Variants in NEBL observed in about 807,000 individuals in gnomAD.
NEBL encodes nebulette, also known as LIM and SH3 protein 2.
NEBL carries 122 observed loss-of-function variants against 140.2 expected under a neutral mutation model. The observed-to-expected ratio is 0.87, with a 90% CI of 0.75 to 1.01. NEBL has a LOEUF of 1.01. Ranked by LOEUF, NEBL falls within the 50% of genes least tolerant of loss-of-function variation. The probability of loss-of-function intolerance (pLI) is 0.00; values close to 1 mark genes in which losing one functional copy is unlikely to be tolerated. For synonymous variants in NEBL, 436 were observed against 398.9 expected (o/e 1.09, Z -1.11); for missense variants, 1,365 against 1,231.3 (o/e 1.11, Z -1.62).
intron 11 of NEBL, among the ~76,000 whole-genome samples, chr10:20,845,876 G>T (rs1052327987): frequency 6.6e-6 from 1 of 152,112 alleles, no homozygotes. Context: ...GGTTAGGGAG[G>T]GGGTTTCCCT....
At chr10:21,070,506 T>A (rs184422278) in intron 2 of NEBL, among the ~76,000 whole-genome samples, 1 of 152,314 alleles carries the variant, frequency 6.6e-6, no homozygotes, top group African/African-American at 2.4e-5. Context: ...TAAATCATGC[T>A]GTTTTAAAGA....
chr10:20,937,442 T>C (rs1440051175), intron 4 of NEBL, among the ~76,000 whole-genome samples: 2 of 152,006 alleles, frequency 1.3e-5, no homozygotes, highest in Admixed American at 6.6e-5. Flanking sequence ...ACTTCAAAAG[T>C]TGAAAGAGCC....
chr10:20,907,149 A>C (rs1427831962), intron 4 of NEBL, among the ~76,000 whole-genome samples: 1 of 152,148 alleles, frequency 6.6e-6, no homozygotes. Context: ...TAAGCATGGA[A>C]AAAACCTTTA....
intron 3 of NEBL, among the ~76,000 whole-genome samples, chr10:20,986,208 A>G (rs16921350): frequency 0.026 from 3,950 of 152,310 alleles, 162 homozygotes; most frequent in African/African-American, 0.088. Context: ...ACCAGGAAAT[A>G]TCATACCATA....
At chr10:21,186,588 C>T (rs1236430181) in intron 3 of NEBL, among the ~76,000 whole-genome samples, 1 of 152,116 alleles carries the variant, frequency 6.6e-6, no homozygotes, top group African/African-American at 2.4e-5. Context: ...TCACATGCAG[C>T]CCAAGATGGC....
chr10:21,010,780 C>T (rs551679471), intron 3 of NEBL, among the ~76,000 whole-genome samples: 1 of 152,174 alleles, frequency 6.6e-6, no homozygotes, highest in Non-Finnish European at 1.5e-5. Context: ...TACTGAAGCT[C>T]GACAACTGAG....
chr10:20,973,401 C>T (rs986402707), intron 3 of NEBL, among the ~76,000 whole-genome samples: 2 of 151,994 alleles, frequency 1.3e-5, no homozygotes, highest in South Asian at 2.1e-4. Context: ...GCATGAGCAA[C>T]CATGTCCAGC....
intron 26 of NEBL, among the ~76,000 whole-genome samples, chr10:20,795,855 T>C (rs1396686078): frequency 6.6e-6 from 1 of 152,198 alleles, no homozygotes; most frequent in Non-Finnish European, 1.5e-5. Flanking sequence ...AAAGATTTAG[T>C]TGAAAATACA....
At chr10:20,848,655 C>T (rs559616374) in intron 11 of NEBL, among the ~76,000 whole-genome samples, 1 of 152,216 alleles carries the variant, frequency 6.6e-6, no homozygotes, top group South Asian at 2.1e-4. Flanking sequence ...GCTGTGCACT[C>T]CTTATGAGAA....
chr10:21,107,718 G>C (rs1837787720), intron 2 of NEBL, among the ~76,000 whole-genome samples: 1 of 152,154 alleles, frequency 6.6e-6, no homozygotes, highest in African/African-American at 2.4e-5. Context: ...TTTTTCTACA[G>C]ATTGAAATAG....
chr10:20,925,066 A>G (rs1184583241), intron 4 of NEBL, among the ~76,000 whole-genome samples: 1 of 152,072 alleles, frequency 6.6e-6, no homozygotes, highest in Non-Finnish European at 1.5e-5. Flanking sequence ...ACAAAAATGC[A>G]AAGTGTAGCC....
chr10:21,056,433 CCTCCCGGAA>C (rs1285979976), intron 2 of NEBL, among the ~76,000 whole-genome samples: 2 of 152,184 alleles, frequency 1.3e-5, no homozygotes, highest in Non-Finnish European at 2.9e-5. Flanking sequence ...GACTGACTGT[CCTCCCGGAA>C]CTTTAAAAGC....
chr10:21,021,008 A>G (rs914071940), intron 2 of NEBL, among the ~76,000 whole-genome samples: 53 of 152,000 alleles, frequency 3.5e-4, no homozygotes, highest in African/African-American at 1.2e-3. Context: ...AGTCCAAAAC[A>G]CAGCTGTTCA....
chr10:21,183,947 C>T (rs760040186), intron 3 of NEBL, among the ~76,000 whole-genome samples: 56 of 152,324 alleles, frequency 3.7e-4, no homozygotes, highest in Non-Finnish European at 6.9e-4. Context: ...GCTCTCTTCT[C>T]TTTTCTGCCG....
chr10:21,126,043 C>T (rs1371482730), intron 2 of NEBL: 3 of 1,614,222 alleles, frequency 1.9e-6, no homozygotes, highest in Non-Finnish European at 2.5e-6. Flanking sequence ...CGTTGGCCAG[C>T]TTTGCAGCCT....
chr10:21,217,168 C>T (rs549932839), intron 3 of NEBL, among the ~76,000 whole-genome samples: 2 of 152,338 alleles, frequency 1.3e-5, no homozygotes, highest in South Asian at 4.1e-4. Flanking sequence ...CCCAGAGAAG[C>T]TGGCATCCCC....
At chr10:20,983,239 C>A (rs1837125894) in intron 3 of NEBL, among the ~76,000 whole-genome samples, 1 of 152,136 alleles carries the variant, frequency 6.6e-6, no homozygotes, top group Non-Finnish European at 1.5e-5. Flanking sequence ...ACGATTCATT[C>A]CAGAGAATTG....
rs1835352500 is a variant in NEBL at position 20,785,755 on chromosome 10, C to A, written c.3037G>T (p.Val1013Phe). The change falls in exon 28 of 28, where the codon GTT becomes TTT. Residue 1013 changes from valine (V) to phenylalanine (F), a missense_variant. Physicochemically the swap from Val to Phe is conservative, Grantham distance 50 (BLOSUM62 -1). Around this residue, in one of 2 missense-constraint regions of NEBL, gnomAD observed 42 missense variants for 76.5 expected, o/e 0.55. Coordinates refer to ENST00000377122, the MANE Select transcript of NEBL (RefSeq NM_006393.3). Reference protein sequence around the residue: ...GMLPANYIEFVN With the variant: ...GMLPANYIEFFN ...AGGGCAGGGAGAAATAATTAATTAA[C>A]AAACTCAATGTAATTCGCTGGGAGC... is the stretch of plus-strand genomic sequence containing the variant. 1 of 1,613,680 alleles carries A rather than the reference C, an allele frequency of 6.2e-7. No homozygotes were observed. Among genetic ancestry groups the A allele is most frequent in the Non-Finnish European group, 8.5e-7 (1 of 1,179,842 alleles).
chr10:21,135,071 T>C (rs1839290237), intron 2 of NEBL, among the ~76,000 whole-genome samples: 1 of 152,234 alleles, frequency 6.6e-6, no homozygotes, highest in African/African-American at 2.4e-5. Context: ...TCATTTCCTC[T>C]GGACACCTCT....
Sources: gnomAD v4.1 joint callset for allele counts (sites outside exome capture counted in the v4.1 genomes callset) on GRCh38, gnomAD v4.1.1 for gene constraint, gnomAD v4.1.1 regional missense constraint, MANE v1.5 for transcripts, NCBI Gene and HGNC (gene_info 2026-07-23, HGNC 2026-07-21) for gene names.